IL1R2: variants seen among roughly 807,000 people sequenced by gnomAD.
IL1R2 encodes interleukin 1 receptor type 2.
IL1R2 carries 46 observed loss-of-function variants against 39.5 expected under a neutral mutation model. The observed-to-expected ratio is 1.16, with a 90% confidence interval of 0.92 to 1.49. The LOEUF is 1.49. IL1R2 is among the 40% of genes most tolerant of loss of function. The probability of loss-of-function intolerance (pLI) is 0.00; values close to 1 mark genes in which losing one functional copy is unlikely to be tolerated. For missense variants in IL1R2, 537 were observed against 502.0 expected (o/e 1.07, Z -0.67); for synonymous variants, 207 against 189.6 (o/e 1.09, Z -0.75).
intron 1 of IL1R2, among the ~76,000 whole-genome samples, chr2:101,994,200 G>A (rs1675476571): frequency 2.0e-5 from 3 of 152,196 alleles, no homozygotes; most frequent in African/African-American, 4.8e-5. Flanking sequence ...AGTTGGCCTG[G>A]GAGCCTCCTA....
chr2:102,008,546 T>C lies in IL1R2; in HGVS notation c.-30T>C. On this transcript the variant is annotated 5_prime_UTR_variant, in exon 2 of 9. Transcript: ENST00000332549. ...TGCTGCTGGGTCTCAGTCCTCCACT[T>C]CCCGTGTCCTCTGGAAGTTGTCAGG... 1 of 1,603,462 alleles carries C rather than the reference T, an allele frequency of 6.2e-7. No individual in the cohort carries two copies. The highest frequency in any genetic ancestry group is 8.5e-7 in the Non-Finnish European group (1 of 1,170,496).
Position 101,994,546 on chromosome 2 carries a change from G to T in IL1R2, c.-62+2535G>T, listed in dbSNP as rs566071518. On this transcript the variant is annotated intron_variant, in intron 1 of 8. Transcript: ENST00000332549. ...CTGAATGTCTGATTCAGTAAGTCCT[G>T]GTTGGCGACCTGAGAATCTGCATTT... Among the ~76,000 whole-genome samples, 8 of 152,324 alleles carry T rather than the reference G, an allele frequency of 5.3e-5. No homozygotes were observed. The South Asian group carries it at 1.7e-3, about 32-fold the overall frequency.
At chr2:102,019,139 TG>T (rs1222378369) in intron 4 of IL1R2, among the ~76,000 whole-genome samples, 2 of 152,180 alleles carry the variant, frequency 1.3e-5, no homozygotes, top group African/African-American at 4.8e-5. Context: ...ATAAAAAGTG[TG>T]GACTCGTTTC....
intron 8 of IL1R2, among the ~76,000 whole-genome samples, 197 bp from the exon 9 acceptor site, chr2:102,028,029 C>G (rs564672291): frequency 6.6e-6 from 1 of 152,194 alleles, no homozygotes; most frequent in Non-Finnish European, 1.5e-5. Context: ...CTATCACGCT[C>G]GTTTCTCTAA....
At chr2:102,005,001 C>T (rs1676174896) in intron 1 of IL1R2, among the ~76,000 whole-genome samples, 1 of 152,182 alleles carries the variant, frequency 6.6e-6, no homozygotes, top group African/African-American at 2.4e-5. Context: ...TCTTCTCACC[C>T]ATCCAGCCAT....
chr2:102,019,075 G>T (rs2150450970), intron 4 of IL1R2, among the ~76,000 whole-genome samples: 1 of 152,208 alleles, frequency 6.6e-6, no homozygotes, highest in Non-Finnish European at 1.5e-5. Flanking sequence ...TTTCCTGGAG[G>T]CCTTGATCTT....
At chr2:101,996,146 T>G (rs1675574692) in intron 1 of IL1R2, among the ~76,000 whole-genome samples, 1 of 147,452 alleles carries the variant, frequency 6.8e-6, no homozygotes, top group East Asian at 2.1e-4. Flanking sequence ...TGAACATGAG[T>G]GTACCCACCA....
In IL1R2 at chr2:102,009,710, T is replaced by C. The variant is rs757448005; in HGVS notation, c.216T>C (p.Asn72=). 19 of 1,614,064 alleles carry C rather than the reference T, an allele frequency of 1.2e-5. No individual in the cohort carries two copies. Among genetic ancestry groups the C allele is most frequent in the Admixed American group, 3.3e-5 (2 of 60,006 alleles). Residue 72 remains asparagine, a synonymous_variant, in exon 3 of 9, where the codon AAT becomes AAC. Coordinates refer to ENST00000332549, the MANE Select transcript of IL1R2 (RefSeq NM_004633.4). ...GCATCAACCTGACATGGCATAAAAA[T>C]GACTCTGCTAGGACGGTCCCAGGAG... ...SPRINLTWHK[N]DSARTVPGEE...
intron 3 of IL1R2, among the ~76,000 whole-genome samples, chr2:102,012,431 T>A (rs1676696445): frequency 6.6e-6 from 1 of 152,146 alleles, no homozygotes; most frequent in Admixed American, 6.6e-5. Flanking sequence ...GTGGAAGTAC[T>A]GGTGAATGGA....
In IL1R2 at chr2:102,000,797, A is replaced by C. The variant is rs559330705; in HGVS notation, c.-61-7718A>C. Reference sequence around the variant, plus strand: ...CTCTGTGACCTTGGACAAGTGACTTAATGTACCCAAGTCTATTTCCATTGC... The same window carrying C: ...CTCTGTGACCTTGGACAAGTGACTTCATGTACCCAAGTCTATTTCCATTGC... On this transcript the variant is annotated intron_variant, in intron 1 of 8. Transcript: ENST00000332549. 5.9e-5 allele frequency among the ~76,000 whole-genome samples: 9 copies of C among 152,234 alleles called. No individual in the cohort carries two copies. In the South Asian group the frequency reaches 1.9e-3, roughly 32 times the overall value.
At chr2:102,021,305 CTTTTT>C (rs546019141) in intron 5 of IL1R2, among the ~76,000 whole-genome samples, 5 of 122,856 alleles carry the variant, frequency 4.1e-5, no homozygotes, top group East Asian at 4.7e-4. Flanking sequence ...CTTTTCTTTT[CTTTTT>C]TTTTTTTTTT....
Position 102,008,554 on chromosome 2 carries a change from C to T in IL1R2, c.-22C>T, listed in dbSNP as rs747798484. On this transcript the variant is annotated 5_prime_UTR_variant, in exon 2 of 9. Coordinates refer to ENST00000332549, the MANE Select transcript of IL1R2 (RefSeq NM_004633.4). ...GGTCTCAGTCCTCCACTTCCCGTGT[C>T]CTCTGGAAGTTGTCAGGAGCAATGT... The T allele has an allele frequency of 3.7e-6, 6 of 1,606,642 alleles. No individual in the cohort carries two copies. The highest frequency in any genetic ancestry group is 4.3e-6 in the Non-Finnish European group (5 of 1,173,284).
At chr2:102,013,524 C>CAAAAAAA (rs771727938) in intron 3 of IL1R2, among the ~76,000 whole-genome samples, 6 of 5,684 alleles carry the variant, frequency 1.1e-3, no homozygotes, top group Non-Finnish European at 1.2e-3. Context: ...TCTATCACTG[C>CAAAAAAA]AAAAAAAAAA....
intron 8 of IL1R2, among the ~76,000 whole-genome samples, chr2:102,027,539 T>G (rs1420770356): frequency 6.6e-6 from 1 of 152,166 alleles, no homozygotes; most frequent in Non-Finnish European, 1.5e-5. Context: ...TTCTAATCTT[T>G]GTGGGGTTTT....
intron 7 of IL1R2, among the ~76,000 whole-genome samples, chr2:102,025,390 G>C (rs1237444300): frequency 6.6e-6 from 1 of 152,174 alleles, no homozygotes; most frequent in African/African-American, 2.4e-5. Context: ...ACTATGTGTG[G>C]GTAGCACAAT....
chr2:102,019,519 A>G, intron 4 of IL1R2, 119 bp from the exon 5 acceptor site: 1 of 739,642 alleles, frequency 1.4e-6, no homozygotes, highest in South Asian at 1.9e-5. Context: ...TTGGCAAAGT[A>G]AATACCAGGA....
rs1676403706 is a variant in IL1R2, at chr2:102,008,529, G to A, written c.-47G>A. The A allele has an allele frequency of 6.7e-7, 1 of 1,499,776 alleles. No individual in the cohort carries two copies. The allele number at this position is 1,499,776 out of a possible 1,614,324, so 92.9% of individuals were successfully genotyped here. A position where few individuals can be genotyped will look rare whatever the true frequency, so the allele number is the denominator to read the frequency against. On this transcript the variant is annotated 5_prime_UTR_variant, in exon 2 of 9. Transcript: ENST00000332549. ...TCCTCCCCTAGGCCACGTGCTGCTG[G>A]GTCTCAGTCCTCCACTTCCCGTGTC...
intron 5 of IL1R2, among the ~76,000 whole-genome samples, chr2:102,021,246 C>A (rs1677369546): frequency 6.6e-6 from 1 of 151,894 alleles, no homozygotes; most frequent in Non-Finnish European, 1.5e-5. Flanking sequence ...ACAGCCCTCA[C>A]CCCCCAGGTG....
chr2:102,006,920 G>T (rs928471935), intron 1 of IL1R2, among the ~76,000 whole-genome samples: 1 of 152,090 alleles, frequency 6.6e-6, no homozygotes, highest in Non-Finnish European at 1.5e-5. Flanking sequence ...TTCCAGTTTC[G>T]CCATCCCCAA....
Sources: allele counts gnomAD v4.1 joint callset (sites outside exome capture counted in the v4.1 genomes callset), GRCh38; gene constraint gnomAD v4.1.1; transcripts MANE v1.5; gene names NCBI Gene and HGNC (gene_info 2026-07-23, HGNC 2026-07-21).